Variants in PLXNA4 observed in about 807,000 individuals in gnomAD.
The protein encoded by PLXNA4 is plexin-A4.
In PLXNA4, 44 loss-of-function variants were observed where a neutral mutation model predicts 191.8. The observed-to-expected ratio is 0.23, with a 90% confidence interval of 0.18 to 0.29. PLXNA4 has a LOEUF of 0.29. Among genes scored for constraint, PLXNA4 ranks in the 10% least tolerant of loss-of-function variants. The pLI is 1.00. For missense variants in PLXNA4, 1,800 were observed against 2,488.8 expected, an observed-to-expected ratio of 0.72 and a Z score of 5.89; for synonymous variants, 1,082 against 1,009.5, an observed-to-expected ratio of 1.07 and a Z score of -1.36.
chr7:132,564,021 T>TC (rs1801572249), intron 1 of PLXNA4, among the ~76,000 whole-genome samples: 1 of 19,058 alleles, frequency 5.2e-5, no homozygotes, highest in African/African-American at 2.0e-4. Context: ...TCCTCCTCCT[T>TC]CTCCTCCTCC....
intron 1 of PLXNA4, among the ~76,000 whole-genome samples, chr7:132,528,240 C>T (rs2116415746): frequency 1.3e-5 from 2 of 152,254 alleles, no homozygotes; most frequent in East Asian, 3.9e-4. Context: ...AAGGTGAACT[C>T]CCAGGAGGCG....
intron 30 of PLXNA4, among the ~76,000 whole-genome samples, chr7:132,134,386 T>C (rs1795054488): frequency 6.6e-6 from 1 of 152,190 alleles, no homozygotes; most frequent in Admixed American, 6.5e-5. Flanking sequence ...GAGATGGTTT[T>C]CCTGTGCCAT....
At chr7:132,169,149 T>C (rs1796209179) in intron 21 of PLXNA4, among the ~76,000 whole-genome samples, 1 of 152,184 alleles carries the variant, frequency 6.6e-6, no homozygotes, top group Non-Finnish European at 1.5e-5. Context: ...TTTATCCACA[T>C]GATAAAAAGG....
At chr7:132,433,975 A>G (rs1261664093) in intron 3 of PLXNA4, among the ~76,000 whole-genome samples, 1 of 152,232 alleles carries the variant, frequency 6.6e-6, no homozygotes, top group Non-Finnish European at 1.5e-5. Flanking sequence ...TGGATGAACC[A>G]GTGTCAGCCC....
intron 2 of PLXNA4, among the ~76,000 whole-genome samples, chr7:132,590,670 CAGCTGATT>C (rs1802590466): frequency 6.6e-6 from 1 of 152,188 alleles, no homozygotes; most frequent in Non-Finnish European, 1.5e-5. Flanking sequence ...GCTGTGCTGG[CAGCTGATT>C]AGCTGGTACC....
intron 14 of PLXNA4, among the ~76,000 whole-genome samples, chr7:132,191,639 C>A (rs1369298811): frequency 6.6e-6 from 1 of 152,166 alleles, no homozygotes; most frequent in Non-Finnish European, 1.5e-5. Flanking sequence ...AGTGGCTGGC[C>A]AAGGAAGTCC....
At chr7:132,409,811 C>A (rs751727979) in intron 3 of PLXNA4, among the ~76,000 whole-genome samples, 1 of 152,176 alleles carries the variant, frequency 6.6e-6, no homozygotes, top group Non-Finnish European at 1.5e-5. Context: ...CCGTCACCTG[C>A]GGATACCTCC....
At chr7:132,472,439 G>C (rs542616861) in intron 3 of PLXNA4, among the ~76,000 whole-genome samples, 1 of 152,172 alleles carries the variant, frequency 6.6e-6, no homozygotes, top group South Asian at 2.1e-4. Context: ...GGGCACAAAT[G>C]CAAATCTTTA....
intron 3 of PLXNA4, among the ~76,000 whole-genome samples, chr7:132,452,048 C>T (rs1041367497): frequency 2.6e-5 from 4 of 152,248 alleles, no homozygotes; most frequent in African/African-American, 9.6e-5. Context: ...AAAAGGGATG[C>T]TGGAAGGACA....
rs750459344 is a variant in PLXNA4, at chr7:132,128,073, A to C, written c.*2406T>G. On this transcript the variant is annotated 3_prime_UTR_variant, in exon 32 of 32. Coordinates refer to ENST00000321063, the MANE Select transcript of PLXNA4 (RefSeq NM_020911.2). Reference sequence around the variant, plus strand: ...GCTTCCATCCAGCAAATCTGTGTTAAATACGTTTGTGTCTCTTTCCTCCCC... The same window carrying C: ...GCTTCCATCCAGCAAATCTGTGTTACATACGTTTGTGTCTCTTTCCTCCCC... 7.3e-5 allele frequency: 11 copies of C among 150,950 alleles called. No individual in the cohort carries two copies. Among genetic ancestry groups the C allele is most frequent in the Non-Finnish European group, 1.6e-4 (11 of 67,894 alleles). The allele number at this position is 150,950 out of a possible 1,614,324, so 9.4% of individuals were successfully genotyped here. A position where few individuals can be genotyped will look rare whatever the true frequency, so the allele number is the denominator to read the frequency against.
At chr7:132,482,015 T>A (rs1201279703) in intron 3 of PLXNA4, among the ~76,000 whole-genome samples, 1 of 152,212 alleles carries the variant, frequency 6.6e-6, no homozygotes, top group East Asian at 1.9e-4. Flanking sequence ...AGGAAGGCCG[T>A]GTCCTTTTCC....
rs766279230 is a variant in PLXNA4, at chr7:132,147,893, A to T, written c.4864+7T>A. The T allele has an allele frequency of 6.2e-7, 1 of 1,614,018 alleles. No homozygotes were observed. On this transcript the variant is annotated splice_region_variant and intron_variant, in intron 27 of 31. Transcript: ENST00000321063. Reference sequence around the variant, plus strand: ...AGGCCTCCCTAGGACACTCGGTGGGATCTTACCATATTTACTTGCTGAGGT... The same window carrying T: ...AGGCCTCCCTAGGACACTCGGTGGGTTCTTACCATATTTACTTGCTGAGGT...
chr7:132,201,286 C>T (rs537504962), intron 12 of PLXNA4, among the ~76,000 whole-genome samples: 3 of 152,256 alleles, frequency 2.0e-5, no homozygotes, highest in East Asian at 1.9e-4. Context: ...CCATTTCTGT[C>T]GTGCAAGCTG....
At chr7:132,452,565 T>G (rs987507325) in intron 3 of PLXNA4, among the ~76,000 whole-genome samples, 5 of 152,170 alleles carry the variant, frequency 3.3e-5, no homozygotes, top group African/African-American at 1.2e-4. Context: ...CCTCACACAC[T>G]GCAAGATATG....
chr7:132,159,267 G>T (rs1208450160), intron 25 of PLXNA4, among the ~76,000 whole-genome samples: 1 of 152,088 alleles, frequency 6.6e-6, no homozygotes, highest in Admixed American at 6.5e-5. Flanking sequence ...TCTGCAAACT[G>T]TTCACTGACC....
rs573239415 is a variant in PLXNA4 at position 132,194,397 on chromosome 7, C to A, written c.2739-218G>T. On this transcript the variant is annotated intron_variant, in intron 13 of 31. Transcript: ENST00000321063. ...ACCTATGGGATCTCCTTTGAGGGAG[C>A]CTAGAAGAGGGTCCCTGTGTTCTGA... 5.9e-5 allele frequency among the ~76,000 whole-genome samples: 9 copies of A among 152,298 alleles called. No individual in the cohort carries two copies. The South Asian group carries it at 1.7e-3, about 28-fold the overall frequency.
At chr7:132,161,845 G>A (rs1398102940) in intron 24 of PLXNA4, among the ~76,000 whole-genome samples, 1 of 152,130 alleles carries the variant, frequency 6.6e-6, no homozygotes, top group Non-Finnish European at 1.5e-5. Context: ...CTCCCACGTG[G>A]GTACCCAGTG....
rs929786038 is a variant in PLXNA4 at position 132,206,951 on chromosome 7, C to T, written c.2299-3532G>A. ...CTCAATCAAGGTCTGGCACACCATG[C>T]GGGGCTAATGGATGACTTTCCCCAT... On this transcript the variant is annotated intron_variant, in intron 10 of 31. Transcript: ENST00000321063. Among the ~76,000 whole-genome samples the T allele has an allele frequency of 6.6e-5, 10 of 152,180 alleles. 1 individual carries two copies. Among genetic ancestry groups the T allele is most frequent in the Admixed American group, 1.3e-4 (2 of 15,278 alleles).
At chr7:132,401,572 T>G (rs1793986003) in intron 3 of PLXNA4, among the ~76,000 whole-genome samples, 1 of 152,050 alleles carries the variant, frequency 6.6e-6, no homozygotes, top group Non-Finnish European at 1.5e-5. Context: ...TTAGAGGAAG[T>G]CCGGTAGGAT....
Sources: gnomAD v4.1 joint callset for allele counts (sites outside exome capture counted in the v4.1 genomes callset) on GRCh38, gnomAD v4.1.1 for gene constraint, MANE v1.5 for transcripts, NCBI Gene and HGNC (gene_info 2026-07-23, HGNC 2026-07-21) for gene names.